The following TBX20 variants were observed in gnomAD, a reference collection of about 807,000 sequenced individuals.
TBX20 encodes the protein T-box transcription factor TBX20.
A neutral mutation model predicts 42.9 loss-of-function variants in TBX20; 8 were observed. The observed-to-expected ratio is 0.19, with a 90% CI of 0.11 to 0.34. The LOEUF (loss-of-function observed/expected upper bound fraction) is 0.34, where lower values mean the gene tolerates loss of function less well. Among genes scored for constraint, TBX20 ranks in the 10% least tolerant of loss-of-function variants. The pLI, the probability that TBX20 is intolerant of heterozygous loss-of-function variation, is 1.00. For missense variants in TBX20, 411 were observed against 566.0 expected (o/e 0.73, Z 2.78); for synonymous variants, 198 against 222.8 (o/e 0.89, Z 0.99).
At chr7:35,205,329 T>C (rs1789382891) in intron 6 of TBX20, among the ~76,000 whole-genome samples, 1 of 151,926 alleles carries the variant, frequency 6.6e-6, no homozygotes, top group Non-Finnish European at 1.5e-5. Flanking sequence ...AAATTTGGCA[T>C]TGGACAATTT....
At chr7:35,233,165 G>A (rs1789900617) in intron 5 of TBX20, among the ~76,000 whole-genome samples, 1 of 151,868 alleles carries the variant, frequency 6.6e-6, no homozygotes, top group South Asian at 2.1e-4. Flanking sequence ...CTTTTTCATG[G>A]TTTCTGAACA....
At chr7:35,208,723 C>T (rs1239080602) in intron 6 of TBX20, among the ~76,000 whole-genome samples, 1 of 92,140 alleles carries the variant, frequency 1.1e-5, no homozygotes, top group Non-Finnish European at 1.9e-5. Context: ...GCCTGGGCAA[C>T]AAGAGCGAAA....
chr7:35,202,751 A>G lies in TBX20; in HGVS notation c.1023T>C (p.Ser341=). 1 of 1,558,766 alleles carries G rather than the reference A, an allele frequency of 6.4e-7. No individual in the cohort carries two copies. The highest frequency in any genetic ancestry group is 1.2e-5 in the South Asian group (1 of 84,368). The part of the protein sequence containing the change: ...TPNRGSAFTT[S]DNLSLSSWVS... ...CCCAGGAGCTGAGAGACAAATTATC[A>G]GATGTTGTAAAGGCTGACCCTGTAA... The change falls in exon 8 of 8, where the codon TCT becomes TCC. Residue 341 remains serine, a synonymous_variant. Transcript: ENST00000408931.
At chr7:35,216,813 A>C (rs1347449436) in intron 6 of TBX20, among the ~76,000 whole-genome samples, 3 of 152,190 alleles carry the variant, frequency 2.0e-5, no homozygotes, top group African/African-American at 7.2e-5. Flanking sequence ...AAAATGTCAA[A>C]TCCATGAAAA....
chr7:35,245,371 C>T (rs1302043942), intron 3 of TBX20, among the ~76,000 whole-genome samples: 2 of 137,828 alleles, frequency 1.5e-5, no homozygotes, highest in Non-Finnish European at 3.1e-5. Flanking sequence ...TAGTCAACTA[C>T]TGGTCTGCTT....
rs1290469965 is a variant in TBX20 at position 35,218,735 on chromosome 7, C to G, written c.890+12769G>C. Reference sequence around the variant, plus strand: ...GATTTCTGTCTCTTTGTTCTGACATCTGCTATAGTCTGAACATTTATGTCC... The same window carrying G: ...GATTTCTGTCTCTTTGTTCTGACATGTGCTATAGTCTGAACATTTATGTCC... On this transcript the variant is annotated intron_variant, in intron 6 of 7. Coordinates refer to ENST00000408931, the MANE Select transcript of TBX20 (RefSeq NM_001077653.2). Among the ~76,000 whole-genome samples the G allele has an allele frequency of 2.6e-5, 4 of 152,172 alleles. No individual in the cohort carries two copies. In the East Asian group the frequency reaches 7.7e-4, roughly 29 times the overall value.
chr7:35,247,251 T>C lies in TBX20; in HGVS notation c.545+1426A>G, dbSNP rs866591456. Among the ~76,000 whole-genome samples the C allele has an allele frequency of 1.3e-5, 2 of 151,404 alleles. 1 individual carries two copies. Among genetic ancestry groups the C allele is most frequent in the South Asian group, 4.2e-4 (2 of 4,792 alleles). On this transcript the variant is annotated intron_variant, in intron 3 of 7. Transcript: ENST00000408931. ...ATACTCTCTCAGGTTTAAAACGGTA[T>C]TGAAAAGTTTGGAAGGTAGCTAAAG...
At chr7:35,231,254 A>AT (rs1004522209) in intron 6 of TBX20, among the ~76,000 whole-genome samples, 1 of 152,196 alleles carries the variant, frequency 6.6e-6, no homozygotes, top group African/African-American at 2.4e-5. Flanking sequence ...ACAAAGCCCT[A>AT]TTTTTTATAG....
chr7:35,220,325 C>G (rs1455670587), intron 6 of TBX20, among the ~76,000 whole-genome samples: 2 of 152,158 alleles, frequency 1.3e-5, no homozygotes, highest in Non-Finnish European at 2.9e-5. Context: ...CCCACGGCAG[C>G]CCTCCCAGCC....
chr7:35,224,671 TC>T (rs59955936), intron 6 of TBX20, among the ~76,000 whole-genome samples: 128,209 of 135,098 alleles, frequency 0.95, 60,660 homozygotes, highest in Non-Finnish European at 0.96. Flanking sequence ...AAACTCTGTT[TC>T]CAAAAAAAAA....
intron 5 of TBX20, among the ~76,000 whole-genome samples, chr7:35,234,463 C>G (rs1789924781): frequency 1.3e-5 from 2 of 152,170 alleles, no homozygotes; most frequent in Admixed American, 1.3e-4. Context: ...ATACTTTGAG[C>G]AAAGGAGTAA....
At chr7:35,237,778 G>A (rs1330012055) in intron 5 of TBX20, among the ~76,000 whole-genome samples, 1 of 152,106 alleles carries the variant, frequency 6.6e-6, no homozygotes, top group Non-Finnish European at 1.5e-5. Flanking sequence ...TGGATACAGC[G>A]AGTACTAGCA....
At chr7:35,243,131 C>T (rs114571238) in intron 4 of TBX20, among the ~76,000 whole-genome samples, 1,699 of 152,216 alleles carry the variant, frequency 0.011, 31 homozygotes, top group African/African-American at 0.039. Flanking sequence ...GTGCATGCCA[C>T]CACATCCAGC....
At chr7:35,221,665 T>C (rs1012829426) in intron 6 of TBX20, among the ~76,000 whole-genome samples, 11 of 152,196 alleles carry the variant, frequency 7.2e-5, no homozygotes, top group African/African-American at 2.4e-4. Context: ...CTCTCAGTTA[T>C]GCAAGAACTC....
At chr7:35,245,110 T>C in intron 3 of TBX20, 53 bp from the exon 4 acceptor site, 1 of 1,311,838 alleles carries the variant, frequency 7.6e-7, no homozygotes, top group Non-Finnish European at 1.1e-6. Flanking sequence ...AGTCTGTCTC[T>C]GTAGGTTATA....
At chr7:35,244,432 T>A (rs1790141671) in intron 4 of TBX20, among the ~76,000 whole-genome samples, 2 of 150,152 alleles carry the variant, frequency 1.3e-5, no homozygotes, top group Admixed American at 6.7e-5. Context: ...CAAAAAAAAA[T>A]GGTTACATAA....
At chr7:35,209,836 T>C (rs1243555849) in intron 6 of TBX20, among the ~76,000 whole-genome samples, 3 of 152,188 alleles carry the variant, frequency 2.0e-5, no homozygotes, top group Non-Finnish European at 4.4e-5. Context: ...CCTGCAAGTT[T>C]TTATATGTTG....
chr7:35,241,020 C>A lies in TBX20; in HGVS notation c.672G>T (p.Met224Ile), dbSNP rs1395682032. ...DQHGHIILNS[M>I]HKYQPRVHII... Reference sequence around the variant, plus strand: ...TGTGCACCCTTGGCTGGTACTTATGCATTGAGTTCAAAATTATCTACAACA... The same window carrying A: ...TGTGCACCCTTGGCTGGTACTTATGAATTGAGTTCAAAATTATCTACAACA... The change falls in exon 5 of 8, where the codon ATG becomes ATT. Residue 224 changes from methionine to isoleucine, a missense_variant. Met to Ile is a conservative substitution (Grantham distance 10). Around this residue, in one of 5 missense-constraint regions of TBX20, gnomAD observed 121 missense variants for 165.9 expected, o/e 0.73. Coordinates refer to ENST00000408931, the MANE Select transcript of TBX20 (RefSeq NM_001077653.2). 6.2e-7 allele frequency: 1 copy of A among 1,613,818 alleles called. No homozygotes were observed.
At chr7:35,213,442 A>G (rs1055996381) in intron 6 of TBX20, among the ~76,000 whole-genome samples, 1 of 152,118 alleles carries the variant, frequency 6.6e-6, no homozygotes. Flanking sequence ...TTTTCACCAT[A>G]TACTCCTGTA....
Sources: allele counts gnomAD v4.1 joint callset (sites outside exome capture counted in the v4.1 genomes callset), GRCh38; gene constraint gnomAD v4.1.1; regional missense constraint gnomAD v4.1.1; transcripts MANE v1.5; gene names NCBI Gene and HGNC (gene_info 2026-07-23, HGNC 2026-07-21).